Variants in DNAJC1 observed in about 807,000 individuals in gnomAD.
DNAJC1 encodes the protein dnaJ homolog subfamily C member 1.
A neutral mutation model predicts 76.6 loss-of-function variants in DNAJC1; 58 were observed. The observed-to-expected ratio is 0.76, with a 90% CI of 0.61 to 0.94. The LOEUF (loss-of-function observed/expected upper bound fraction) is 0.94, where lower values mean the gene tolerates loss of function less well. Ranked by LOEUF, DNAJC1 falls within the 40% of genes least tolerant of loss-of-function variation. DNAJC1 has a pLI of 0.00. For synonymous variants in DNAJC1, 258 were observed against 267.9 expected (o/e 0.96, Z 0.36); for missense variants, 689 against 677.3 (o/e 1.02, Z -0.19).
At chr10:21,936,334 C>T (rs2131789477) in intron 1 of DNAJC1, among the ~76,000 whole-genome samples, 1 of 152,210 alleles carries the variant, frequency 6.6e-6, no homozygotes, top group Admixed American at 6.5e-5. Flanking sequence ...ATAAATTACC[C>T]AGCATAAAGT....
intron 9 of DNAJC1, among the ~76,000 whole-genome samples, chr10:21,801,293 G>C (rs557606051): frequency 4.7e-4 from 72 of 151,886 alleles, no homozygotes; most frequent in Non-Finnish European, 7.7e-4. Context: ...TCTATAAGGA[G>C]CTTAAATAAT....
chr10:21,954,773 A>C (rs1233898749), intron 1 of DNAJC1, among the ~76,000 whole-genome samples: 3 of 152,176 alleles, frequency 2.0e-5, no homozygotes, highest in Admixed American at 6.5e-5. Context: ...AATGTATTAA[A>C]CAGCCTCTCA....
intron 8 of DNAJC1, among the ~76,000 whole-genome samples, chr10:21,831,895 T>G (rs1835361569): frequency 1.3e-5 from 2 of 152,160 alleles, no homozygotes; most frequent in African/African-American, 4.8e-5. Context: ...TCTCAAGGAT[T>G]GATACATTTA....
intron 6 of DNAJC1, among the ~76,000 whole-genome samples, chr10:21,916,524 C>T (rs1247955513): frequency 6.6e-6 from 1 of 151,994 alleles, no homozygotes; most frequent in East Asian, 1.9e-4. Context: ...AACAATGGTC[C>T]TATATCACAA....
In DNAJC1 at chr10:21,886,665, C is replaced by A. The variant is rs186869360; in HGVS notation, c.821-4226G>T. On this transcript the variant is annotated intron_variant, in intron 7 of 11. Coordinates refer to ENST00000376980, the MANE Select transcript of DNAJC1 (RefSeq NM_022365.4). ...TCAACCCCAGGTAGCAAGGTTGGTA[C>A]AACATAAGCAAATTAATAAATGTGA... Among the ~76,000 whole-genome samples, 51 of 152,186 alleles carry A rather than the reference C, an allele frequency of 3.4e-4. 2 individuals carry two copies. In the East Asian group the frequency reaches 9.9e-3, roughly 29 times the overall value.
At chr10:21,920,145 T>C (rs1396422824) in intron 4 of DNAJC1, among the ~76,000 whole-genome samples, 1 of 152,050 alleles carries the variant, frequency 6.6e-6, no homozygotes, top group Non-Finnish European at 1.5e-5. Flanking sequence ...CTGTCAGTCA[T>C]GTGCATCTCC....
At chr10:21,770,333 A>G (rs1335031568) in intron 9 of DNAJC1, among the ~76,000 whole-genome samples, 1 of 150,426 alleles carries the variant, frequency 6.6e-6, no homozygotes, top group Non-Finnish European at 1.5e-5. Context: ...CATATCCTGT[A>G]TCCATTGCTT....
chr10:21,920,803 G>A lies in DNAJC1; in HGVS notation c.532C>T (p.Gln178Ter). ...GATTTATTACTAACACTTACCAGTT[G>A]TTTTTCCAGGTAGATTGACCAAACC... is the stretch of plus-strand genomic sequence containing the variant. Reference protein sequence around the residue: ...AVVWSIYLEKQLDELLSRKKR... With the variant: ...AVVWSIYLEK The change falls in exon 4 of 12, where the codon CAA becomes TAA. Residue 178 changes from glutamine (Q) to a stop codon, truncating the protein, a stop_gained. Coordinates refer to ENST00000376980, the MANE Select transcript of DNAJC1 (RefSeq NM_022365.4). LOFTEE classifies it high-confidence loss of function. The A allele has an allele frequency of 6.2e-7, 1 of 1,607,808 alleles. No individual in the cohort carries two copies. Among genetic ancestry groups the A allele is most frequent in the Non-Finnish European group, 8.5e-7 (1 of 1,176,178 alleles).
intron 1 of DNAJC1, 102 bp downstream of exon 1, chr10:22,003,111 G>T: frequency 7.4e-7 from 1 of 1,344,320 alleles, no homozygotes; most frequent in Admixed American, 3.8e-5. Flanking sequence ...AGCCCGGGGT[G>T]ACCAAGCCCT....
intron 1 of DNAJC1, among the ~76,000 whole-genome samples, chr10:21,977,685 T>A (rs1167902391): frequency 3.3e-5 from 5 of 152,148 alleles, no homozygotes; most frequent in African/African-American, 7.2e-5. Flanking sequence ...AAGAAAAACA[T>A]CTTAACACAT....
chr10:21,806,181 G>A, intron 8 of DNAJC1, 82 bp from the exon 9 acceptor site: 1 of 1,469,398 alleles, frequency 6.8e-7, no homozygotes, highest in Admixed American at 2.2e-5. Flanking sequence ...AGATAATTGA[G>A]AGATAATTGC....
chr10:21,998,793 T>A (rs12571634), intron 1 of DNAJC1, among the ~76,000 whole-genome samples: 1 of 152,090 alleles, frequency 6.6e-6, no homozygotes, highest in African/African-American at 2.4e-5. Context: ...AGAAGTAAAA[T>A]CTGTTGAGTA....
intron 9 of DNAJC1, among the ~76,000 whole-genome samples, chr10:21,802,750 A>C (rs539282064): frequency 6.6e-6 from 1 of 152,272 alleles, no homozygotes; most frequent in Non-Finnish European, 1.5e-5. Context: ...CCTTTCAGGC[A>C]AAAGAATAGT....
intron 1 of DNAJC1, among the ~76,000 whole-genome samples, chr10:21,962,879 A>G (rs558166299): frequency 6.6e-6 from 1 of 152,222 alleles, no homozygotes; most frequent in South Asian, 2.1e-4. Context: ...CCAGGTTTCT[A>G]ATTTCTAATG....
At chr10:21,789,350 C>G (rs1834653087) in intron 9 of DNAJC1, among the ~76,000 whole-genome samples, 2 of 152,190 alleles carry the variant, frequency 1.3e-5, no homozygotes, top group South Asian at 4.1e-4. Flanking sequence ...CCAACTGGCA[C>G]TGTAAGACCC....
chr10:21,784,990 T>G (rs1008332941), intron 9 of DNAJC1, among the ~76,000 whole-genome samples: 1 of 152,118 alleles, frequency 6.6e-6, no homozygotes, highest in East Asian at 1.9e-4. Context: ...ACATGGCACA[T>G]GGACACATAT....
chr10:21,966,816 G>A (rs1172306672), intron 1 of DNAJC1, among the ~76,000 whole-genome samples: 1 of 151,454 alleles, frequency 6.6e-6, no homozygotes, highest in Non-Finnish European at 1.5e-5. Flanking sequence ...CTCCCGAGTA[G>A]CTGGGATTAC....
At chr10:21,763,978 A>G (rs1011413347) in intron 10 of DNAJC1, among the ~76,000 whole-genome samples, 2 of 152,198 alleles carry the variant, frequency 1.3e-5, no homozygotes, top group African/African-American at 4.8e-5. Context: ...ATCAAAGATG[A>G]GAAAGTTTAA....
chr10:21,902,243 G>T (rs1330158740), intron 7 of DNAJC1, among the ~76,000 whole-genome samples: 3 of 152,126 alleles, frequency 2.0e-5, no homozygotes, highest in Non-Finnish European at 4.4e-5. Flanking sequence ...TTACAAGACT[G>T]TTACACATTT....
Sources: allele counts gnomAD v4.1 joint callset (sites outside exome capture counted in the v4.1 genomes callset), GRCh38; gene constraint gnomAD v4.1.1; transcripts MANE v1.5; gene names NCBI Gene and HGNC (gene_info 2026-07-23, HGNC 2026-07-21).